POLL: variants seen among roughly 807,000 people sequenced by gnomAD.
POLL encodes DNA polymerase beta-2.
A neutral mutation model predicts 58.1 loss-of-function variants in POLL; 44 were observed. The ratio of observed to expected loss-of-function variants is 0.76; its 90% CI spans 0.60 to 0.97. The LOEUF (loss-of-function observed/expected upper bound fraction) is 0.97, where lower values mean the gene tolerates loss of function less well. POLL is among the 50% of genes least tolerant of loss of function. The pLI is 0.00. For missense variants in POLL, 632 were observed against 736.8 expected (o/e 0.86, Z 1.65); for synonymous variants, 290 against 283.2 (o/e 1.02, Z -0.24).
At chr10:101,585,747 C>A in intron 3 of POLL, 115 bp downstream of exon 3, 1 of 985,374 alleles carries the variant, frequency 1.0e-6, no homozygotes, top group East Asian at 2.6e-5. Flanking sequence ...ACTACAGGCA[C>A]ACCCCACCAT....
chr10:101,579,979 A>G lies in POLL; in HGVS notation c.1364-162T>C. On this transcript the variant is annotated intron_variant, in intron 8 of 8. Coordinates refer to ENST00000370162, the MANE Select transcript of POLL (RefSeq NM_001174084.2). This position sits in a 1 kb window ranked among gnomAD's most constrained non-coding sequence, Gnocchi z 4.4. Reference sequence around the variant, plus strand: ...TCCTTTTCTGTAAAACATGGATAGTAATTCCCATCTCCCCCATAGTGTCAC... The same window carrying G: ...TCCTTTTCTGTAAAACATGGATAGTGATTCCCATCTCCCCCATAGTGTCAC... The G allele has an allele frequency of 1.3e-6, 1 of 791,202 alleles. No individual in the cohort carries two copies. Among genetic ancestry groups the G allele is most frequent in the Non-Finnish European group, 2.0e-6 (1 of 508,184 alleles). The allele number at this position is 791,202 out of a possible 1,614,324, so 49.0% of individuals were successfully genotyped here.
In POLL at chr10:101,588,024, G is replaced by A. The variant is rs1159948747; in HGVS notation, c.-249C>T. On this transcript the variant is annotated 5_prime_UTR_variant, in exon 1 of 9. Coordinates refer to ENST00000370162, the MANE Select transcript of POLL (RefSeq NM_001174084.2). Reference sequence around the variant, plus strand: ...TGCGGGTGAAGTCCCGGGCAGGTGCGGTGTACTCGCCGTGTACGCAGCTGG... The same window carrying A: ...TGCGGGTGAAGTCCCGGGCAGGTGCAGTGTACTCGCCGTGTACGCAGCTGG... 14 of 1,381,764 alleles carry A rather than the reference G, an allele frequency of 1.0e-5. No homozygotes were observed. In the South Asian group the frequency reaches 1.5e-4, roughly 15 times the overall value. 85.6% of individuals were successfully genotyped at this position (1,381,764 alleles called of 1,614,324 possible).
At position 101,587,421 on chromosome 10, in the gene POLL, C is replaced by T; in HGVS notation, c.-46-15G>A. 1 of 1,609,322 alleles carries T rather than the reference C, an allele frequency of 6.2e-7. No homozygotes were observed. The highest frequency in any genetic ancestry group is 8.5e-7 in the Non-Finnish European group (1 of 1,178,916). On this transcript the variant is annotated splice_polypyrimidine_tract_variant and intron_variant, in intron 1 of 8. Transcript: ENST00000370162. ...GGTCAGGGCTGCTGCACGTGGAAAT[C>T]CAGAATTGAGGCCCTCCAACCCCTT...
Position 101,580,114 on chromosome 10 carries a change from G to C in POLL, c.1363+134C>G. 2.4e-6 allele frequency: 2 copies of C among 830,032 alleles called. No individual in the cohort carries two copies. Among genetic ancestry groups the C allele is most frequent in the Non-Finnish European group, 3.8e-6 (2 of 525,696 alleles). 51.4% of individuals were successfully genotyped at this position (830,032 alleles called of 1,614,324 possible). On this transcript the variant is annotated intron_variant, in intron 8 of 8. Transcript: ENST00000370162. This position sits in a 1 kb window ranked among gnomAD's most constrained non-coding sequence, Gnocchi z 4.1. The stretch of plus-strand genomic sequence containing the variant: ...GAGAGGATTCCGGCCCCGATAGAGA[G>C]ATGGGATGCTGGCAAAGCACTGTTC...
rs550119666 is a variant in POLL, at chr10:101,579,217, T to C, written c.*236A>G. 8 of 552,784 alleles carry C rather than the reference T, an allele frequency of 1.4e-5. No individual in the cohort carries two copies. In the South Asian group the frequency reaches 1.9e-4, roughly 13 times the overall value. The allele number at this position is 552,784 out of a possible 1,614,324, so 34.2% of individuals were successfully genotyped here. A position where few individuals can be genotyped will look rare whatever the true frequency, so the allele number is the denominator to read the frequency against. On this transcript the variant is annotated 3_prime_UTR_variant, in exon 9 of 9. Coordinates refer to ENST00000370162, the MANE Select transcript of POLL (RefSeq NM_001174084.2). This position sits in a 1 kb window ranked among gnomAD's most constrained non-coding sequence, Gnocchi z 4.4. Reference sequence around the variant, plus strand: ...AATTCTTCGAGGGGCAGTGGTGAGGTAGAAGGGGTGGCAGCCTGCTCCTGT... The same window carrying C: ...AATTCTTCGAGGGGCAGTGGTGAGGCAGAAGGGGTGGCAGCCTGCTCCTGT...
At position 101,585,328 on chromosome 10, in the gene POLL, G is replaced by A. The variant is rs2063256380; in HGVS notation, c.561C>T (p.Asn187=). The change falls in exon 4 of 9, where the codon AAC becomes AAT. Residue 187 remains asparagine, a synonymous_variant. Transcript: ENST00000370162. ...SPPQKAKEAP[N]TQAQPISDDE... The stretch of plus-strand genomic sequence containing the variant: ...GGAGGCTCCTGACCTGGGCTTGGGT[G>A]TTTGGTGCCTCTTTTGCCTTTTGGG... 1.9e-6 allele frequency: 3 copies of A among 1,574,056 alleles called. No individual in the cohort carries two copies. Among genetic ancestry groups the A allele is most frequent in the South Asian group, 2.4e-5 (2 of 83,932 alleles).
Position 101,579,093 on chromosome 10 carries a change from C to A in POLL, c.*360G>T. On this transcript the variant is annotated 3_prime_UTR_variant, in exon 9 of 9. Coordinates refer to ENST00000370162, the MANE Select transcript of POLL (RefSeq NM_001174084.2). The surrounding 1 kb of genome is among the most constrained non-coding windows in gnomAD (Gnocchi z 4.4). ...TCTCCCCTGCAGCTTCTGTCCCCACCCAGCAGCTTGGCCTTTCCCATAGCA... is the reference window on the plus strand; with the variant it reads ...TCTCCCCTGCAGCTTCTGTCCCCACACAGCAGCTTGGCCTTTCCCATAGCA... 3.5e-6 allele frequency: 1 copy of A among 282,424 alleles called. No individual in the cohort carries two copies. The highest frequency in any genetic ancestry group is 6.7e-6 in the Non-Finnish European group (1 of 148,788). 17.5% of individuals were successfully genotyped at this position (282,424 alleles called of 1,614,324 possible).
In POLL at chr10:101,579,778, C is replaced by CCATT; in HGVS notation, c.1399_1402dup (p.Gly468GlufsTer31). 6.2e-7 allele frequency: 1 copy of CCATT among 1,613,754 alleles called. No individual in the cohort carries two copies. Among genetic ancestry groups the CCATT allele is most frequent in the Non-Finnish European group, 8.5e-7 (1 of 1,179,958 alleles). On this transcript the variant is annotated frameshift_variant, in exon 9 of 9. Transcript: ENST00000370162. LOFTEE classifies it high-confidence loss of function. The surrounding 1 kb of genome is among the most constrained non-coding windows in gnomAD (Gnocchi z 4.4). ...CACCCCCAAGTACTTCTGTTGCTGA[C>CCATT]CATTCTCCTCTTGGCTCACCAAGTC...
intron 7 of POLL, chr10:101,581,517 A>G (rs1412314082): frequency 6.6e-6 from 1 of 152,226 alleles, no homozygotes; most frequent in Admixed American, 6.5e-5. Flanking sequence ...GCTGATTTCA[A>G]TCAAACTAGG....
intron 1 of POLL, 192 bp downstream of exon 1, chr10:101,587,629 CG>C (rs1564881720): frequency 3.0e-6 from 3 of 985,576 alleles, no homozygotes; most frequent in Non-Finnish European, 4.1e-6. Context: ...CTGGTGCCAT[CG>C]GGGGTACTTT....
Position 101,585,954 on chromosome 10 carries a change from AC to A in POLL, c.317del (p.Gly106ValfsTer5). The A allele has an allele frequency of 6.2e-7, 1 of 1,613,972 alleles. No homozygotes were observed. Among genetic ancestry groups the A allele is most frequent in the Non-Finnish European group, 8.5e-7 (1 of 1,179,902 alleles). ...GCCAGGCTGACTTCACCAGCTGAGC[AC>A]CCGGGGGCAGCTGGGGTAGTCTGAG... ...RLLRLPQLPP[G>X]AQLVKSAWLS... is the part of the protein sequence containing the mutation. On this transcript the variant is annotated frameshift_variant, in exon 3 of 9. Transcript: ENST00000370162. LOFTEE classifies it high-confidence loss of function.
rs2063490933 is a variant in POLL, at chr10:101,588,071, T to C, written c.-296A>G. ...CTGGCGCAGGCCAGGGAATCCCAGC[T>C]CGGGGCTAGAAGAAAGCTGGAGTGC... On this transcript the variant is annotated 5_prime_UTR_variant, in exon 1 of 9. Coordinates refer to ENST00000370162, the MANE Select transcript of POLL (RefSeq NM_001174084.2). The C allele has an allele frequency of 2.7e-6, 4 of 1,465,960 alleles. No individual in the cohort carries two copies. The highest frequency in any genetic ancestry group is 1.8e-4 in the Middle Eastern group (1 of 5,640). The allele number at this position is 1,465,960 out of a possible 1,614,324, so 90.8% of individuals were successfully genotyped here.
Position 101,580,267 on chromosome 10 carries a change from A to G in POLL, c.1344T>C (p.Leu448=). Residue 448 remains leucine (L), a synonymous_variant, in exon 8 of 9, where the codon CTT becomes CTC. Coordinates refer to ENST00000370162, the MANE Select transcript of POLL (RefSeq NM_001174084.2). This position sits in a 1 kb window ranked among gnomAD's most constrained non-coding sequence, Gnocchi z 4.1. ...TTATACCTTCCTGCCGAAGACTGTCAAGGAGGCGGCTGAAGATACCCCGGT... is the reference window on the plus strand; with the variant it reads ...TTATACCTTCCTGCCGAAGACTGTCGAGGAGGCGGCTGAAGATACCCCGGT... The part of the protein sequence containing the change: ...RSHRGIFSRL[L]DSLRQEGFLT... 6.2e-7 allele frequency: 1 copy of G among 1,613,868 alleles called. No homozygotes were observed.
Position 101,580,485 on chromosome 10 carries a change from G to T in POLL, c.1195-69C>A. 7.0e-7 allele frequency: 1 copy of T among 1,432,658 alleles called. No homozygotes were observed. The highest frequency in any genetic ancestry group is 9.7e-7 in the Non-Finnish European group (1 of 1,035,018). The allele number at this position is 1,432,658 out of a possible 1,614,324, so 88.7% of individuals were successfully genotyped here. A position where few individuals can be genotyped will look rare whatever the true frequency, so the allele number is the denominator to read the frequency against. On this transcript the variant is annotated intron_variant, in intron 7 of 8. Coordinates refer to ENST00000370162, the MANE Select transcript of POLL (RefSeq NM_001174084.2). The surrounding 1 kb of genome is among the most constrained non-coding windows in gnomAD (Gnocchi z 4.1). ...GCTCCTCTCCCACAGCAGTACAAGG[G>T]CCTTCCCAGACTCGGGCCCACACCC...
intron 2 of POLL, among the ~76,000 whole-genome samples, chr10:101,586,806 T>G (rs2063376797): frequency 1.3e-5 from 2 of 152,208 alleles, no homozygotes. Context: ...CTCTCCATAC[T>G]TTGAATCCTT....
In POLL at chr10:101,588,217, G is replaced by C; in HGVS notation, c.-442C>G. On this transcript the variant is annotated 5_prime_UTR_variant, in exon 1 of 9. Coordinates refer to ENST00000370162, the MANE Select transcript of POLL (RefSeq NM_001174084.2). The stretch of plus-strand genomic sequence containing the variant: ...TAGACCACTTACCAGCAGAGCCAAT[G>C]AGAGCGGACGAAGGGGGGAAGGAGG... 1 of 1,545,254 alleles carries C rather than the reference G, an allele frequency of 6.5e-7. No individual in the cohort carries two copies. Among genetic ancestry groups the C allele is most frequent in the East Asian group, 2.4e-5 (1 of 40,898 alleles).
At chr10:101,586,586 C>T (rs1465684375) in intron 2 of POLL, among the ~76,000 whole-genome samples, 3 of 151,142 alleles carry the variant, frequency 2.0e-5, no homozygotes, top group Non-Finnish European at 1.5e-5. Context: ...CTCCATCTCC[C>T]GAGTTCAAGC....
intron 1 of POLL, 59 bp from the exon 2 acceptor site, chr10:101,587,465 C>G: frequency 1.3e-6 from 2 of 1,540,584 alleles, no homozygotes; most frequent in Non-Finnish European, 8.7e-7. Context: ...GAGGTAGGGT[C>G]TTTCCTGACC....
At position 101,579,701 on chromosome 10, in the gene POLL, C is replaced by A; in HGVS notation, c.1480G>T (p.Val494Leu). ...GCACAGGCAAACTCGCTATAGGGCACCACGATGATGTCCAGGCGCCGGTGC... is the reference window on the plus strand; with the variant it reads ...GCACAGGCAAACTCGCTATAGGGCAACACGATGATGTCCAGGCGCCGGTGC... Reference protein sequence around the residue: ...RRHRRLDIIVVPYSEFACALL... With the variant: ...RRHRRLDIIVLPYSEFACALL... Residue 494 changes from valine (V) to leucine (L), a missense_variant, in exon 9 of 9, where the codon GTG (valine) becomes TTG (leucine). Val to Leu is a conservative substitution (Grantham distance 32). Transcript: ENST00000370162. This position sits in a 1 kb window ranked among gnomAD's most constrained non-coding sequence, Gnocchi z 4.4. 6.2e-7 allele frequency: 1 copy of A among 1,613,800 alleles called. No individual in the cohort carries two copies. Among genetic ancestry groups the A allele is most frequent in the African/African-American group, 1.3e-5 (1 of 75,012 alleles).
Sources: gnomAD v4.1 joint callset for allele counts (sites outside exome capture counted in the v4.1 genomes callset) on GRCh38, gnomAD v4.1.1 for gene constraint, Gnocchi (gnomAD v3.1) non-coding constraint, MANE v1.5 for transcripts, NCBI Gene and HGNC (gene_info 2026-07-23, HGNC 2026-07-21) for gene names.